Variants in CAST observed in about 807,000 individuals in gnomAD.
CAST encodes the protein calpastatin, also known as MIR583 host.
A neutral mutation model predicts 119.6 loss-of-function variants in CAST; 76 were observed. The ratio of observed to expected loss-of-function variants is 0.64; its 90% CI spans 0.53 to 0.77. CAST has a LOEUF of 0.77. Among genes scored for constraint, CAST ranks in the 30% least tolerant of loss-of-function variants. The pLI is 0.00. For missense variants in CAST, 953 were observed against 946.5 expected, an observed-to-expected ratio of 1.01 and a Z score of -0.09; for synonymous variants, 319 against 331.6, an observed-to-expected ratio of 0.96 and a Z score of 0.41.
chr5:96,479,723 C>T, the CAST span, among the ~76,000 whole-genome samples: 856 of 152,186 alleles, frequency 5.6e-3, 9 homozygotes, highest in Non-Finnish European at 7.9e-3. Flanking sequence ...GCTGGGATTA[C>T]AGGTGTGAGC....
chr5:96,621,538 A>C (rs1453669890), intron 1 of CAST, among the ~76,000 whole-genome samples: 1 of 152,146 alleles, frequency 6.6e-6, no homozygotes, highest in African/African-American at 2.4e-5. Flanking sequence ...GTGTGTGTGA[A>C]GGAGAAACTG....
At chr5:96,235,758 C>T in the CAST span, among the ~76,000 whole-genome samples, 3 of 152,300 alleles carry the variant, frequency 2.0e-5, no homozygotes, top group South Asian at 2.1e-4. Context: ...TTCTAAAAAT[C>T]TCCTTAGAAT....
intron 3 of CAST, among the ~76,000 whole-genome samples, chr5:96,707,025 G>A (rs1374061224): frequency 2.0e-5 from 3 of 152,282 alleles, no homozygotes; most frequent in Middle Eastern, 6.8e-3. Context: ...CACTCAACCC[G>A]AGGTGCAAAA....
chr5:96,533,649 G>A lies in CAST; in HGVS notation c.60+3769G>A, dbSNP rs185543334. Among the ~76,000 whole-genome samples the A allele has an allele frequency of 1.5e-3, 229 of 152,146 alleles. No individual in the cohort carries two copies. The Middle Eastern group carries it at 0.024, about 16-fold the overall frequency. ...CAGTACATGTAGGCTCCAAATTTTC[G>A]GCCATGCACTTCCATAGAAAAAAAC... On this transcript the variant is annotated intron_variant, in intron 1 of 11. Coordinates refer to the CAST transcript ENST00000505143.
chr5:96,262,553 A>G, the CAST span, among the ~76,000 whole-genome samples: 1 of 152,180 alleles, frequency 6.6e-6, no homozygotes, highest in Admixed American at 6.5e-5. Flanking sequence ...TGTTTGAGAC[A>G]GTGTCTTGCT....
the CAST span, among the ~76,000 whole-genome samples, chr5:96,291,393 A>G: frequency 9.8e-4 from 150 of 152,340 alleles, no homozygotes; most frequent in African/African-American, 3.5e-3. Context: ...AATGTGTACA[A>G]ATTCTCTTTG....
the CAST span, among the ~76,000 whole-genome samples, chr5:96,082,245 C>T: frequency 1.3e-5 from 2 of 152,146 alleles, no homozygotes; most frequent in Non-Finnish European, 2.9e-5. Flanking sequence ...CTTTACCTTG[C>T]AAGTGCTGAC....
rs199701403 is a variant in CAST, at chr5:96,684,982, GTA to G, written c.138+9383_138+9384del. 6.6e-3 allele frequency among the ~76,000 whole-genome samples: 968 copies of G among 145,872 alleles called. 11 individuals carry two copies. The highest frequency in any genetic ancestry group is 0.024 in the African/African-American group (919 of 38,824). On this transcript the variant is annotated intron_variant, in intron 2 of 31. Transcript: ENST00000675179. ...AAGAATCTGTGATATACAAAATGTT[GTA>G]TCATTGGATAGGGAATGGTATTAAA...
At chr5:96,568,734 T>C (rs1746521517) in intron 1 of CAST, among the ~76,000 whole-genome samples, 2 of 151,996 alleles carry the variant, frequency 1.3e-5, no homozygotes, top group Non-Finnish European at 2.9e-5. Flanking sequence ...TATTTACTTT[T>C]TTTCCTTGTT....
the CAST span, among the ~76,000 whole-genome samples, chr5:95,986,596 C>T: frequency 1.3e-5 from 2 of 152,128 alleles, no homozygotes; most frequent in Non-Finnish European, 2.9e-5. Context: ...TTCATCTTCT[C>T]TTCTTACTTA....
At chr5:96,529,580 T>C (rs929703155), upstream of CAST, among the ~76,000 whole-genome samples, 1 of 152,160 alleles carries the variant, frequency 6.6e-6, no homozygotes, top group Admixed American at 6.5e-5. Context: ...GATTTCAGCA[T>C]TTATTTATTT....
At chr5:96,265,803 G>A in the CAST span, among the ~76,000 whole-genome samples, 1,107 of 152,068 alleles carry the variant, frequency 7.3e-3, 11 homozygotes, top group African/African-American at 0.025. Flanking sequence ...TTGAAAACCC[G>A]TCTTGTTTGT....
At chr5:96,496,963 A>C in the CAST span, among the ~76,000 whole-genome samples, 1 of 150,080 alleles carries the variant, frequency 6.7e-6, no homozygotes, top group Non-Finnish European at 1.5e-5. Flanking sequence ...GCACCCAGTA[A>C]CTCGTCATTT....
chr5:96,756,953 G>A (rs868023254), intron 22 of CAST, among the ~76,000 whole-genome samples: 2 of 152,296 alleles, frequency 1.3e-5, no homozygotes, highest in African/African-American at 2.4e-5. Flanking sequence ...GCCTTTGTGC[G>A]ATTTTCTGTT....
At chr5:96,176,452 C>G in the CAST span, among the ~76,000 whole-genome samples, 184 of 152,198 alleles carry the variant, frequency 1.2e-3, no homozygotes, top group African/African-American at 4.4e-3. Flanking sequence ...GACAGAAGTC[C>G]CCACCTTCAT....
chr5:96,051,220 C>G, the CAST span, among the ~76,000 whole-genome samples: 45 of 151,224 alleles, frequency 3.0e-4, no homozygotes, highest in South Asian at 2.5e-3. Context: ...GTGTGACACA[C>G]AGAGAGAGAG....
the CAST span, among the ~76,000 whole-genome samples, chr5:95,983,170 GAAC>G: frequency 1.1e-4 from 17 of 152,246 alleles, no homozygotes; most frequent in South Asian, 2.3e-3. Context: ...AAATTAATAA[GAAC>G]AACAACAAGT....
chr5:96,591,717 G>T (rs543772280), intron 1 of CAST, among the ~76,000 whole-genome samples: 1 of 152,262 alleles, frequency 6.6e-6, no homozygotes, highest in African/African-American at 2.4e-5. Context: ...AATTTAGAGG[G>T]TCCTGCAATT....
chr5:96,443,913 C>A, the CAST span, among the ~76,000 whole-genome samples: 4 of 152,204 alleles, frequency 2.6e-5, no homozygotes, highest in African/African-American at 9.7e-5. Flanking sequence ...TTCTTCTTAA[C>A]TATCTCAATT....
Sources: allele counts gnomAD v4.1 joint callset (sites outside exome capture counted in the v4.1 genomes callset), GRCh38; gene constraint gnomAD v4.1.1; transcripts MANE v1.5; gene names NCBI Gene and HGNC (gene_info 2026-07-23, HGNC 2026-07-21).